FAM193A: variants seen among roughly 807,000 people sequenced by gnomAD.
The protein encoded by FAM193A is family with sequence similarity 193 member A.
FAM193A carries 22 observed loss-of-function variants against 126.5 expected under a neutral mutation model. The observed-to-expected ratio is 0.17, with a 90% CI of 0.12 to 0.25. The LOEUF is 0.25. FAM193A is among the 10% of genes least tolerant of loss of function. The pLI is 1.00. For synonymous variants in FAM193A, 761 were observed against 646.8 expected (o/e 1.18, Z -2.68); for missense variants, 1,675 against 1,672.8 (o/e 1.00, Z -0.02).
chr4:2,700,657 C>T (rs1717618804), intron 19 of FAM193A, 113 bp downstream of exon 19: 1 of 1,357,880 alleles, frequency 7.4e-7, no homozygotes, highest in Non-Finnish European at 1.0e-6. Flanking sequence ...TGGCCTCCCT[C>T]CTGTAGAAAA....
intron 5 of FAM193A, among the ~76,000 whole-genome samples, chr4:2,634,493 A>C (rs1743903988): frequency 6.6e-6 from 1 of 152,236 alleles, no homozygotes; most frequent in Admixed American, 6.5e-5. Context: ...GAATCACATA[A>C]CAAAGATATT....
chr4:2,590,857 C>T (rs370560974), intron 1 of FAM193A, among the ~76,000 whole-genome samples: 4 of 151,994 alleles, frequency 2.6e-5, no homozygotes, highest in African/African-American at 9.7e-5. Flanking sequence ...GAAACCCCGT[C>T]TCTACTAAAA....
chr4:2,560,688 A>T (rs1738557928), intron 1 of FAM193A, among the ~76,000 whole-genome samples: 1 of 152,208 alleles, frequency 6.6e-6, no homozygotes, highest in Admixed American at 6.5e-5. Context: ...GTAGTACGTT[A>T]TCTTGAGGCT....
At chr4:2,656,802 T>C (rs1455617276) in intron 7 of FAM193A, among the ~76,000 whole-genome samples, 1 of 152,196 alleles carries the variant, frequency 6.6e-6, no homozygotes, top group Admixed American at 6.5e-5. Flanking sequence ...ATGAGCCCCT[T>C]GTTTGTAACT....
intron 13 of FAM193A, among the ~76,000 whole-genome samples, chr4:2,680,012 C>T (rs1714917397): frequency 1.3e-5 from 2 of 152,136 alleles, no homozygotes; most frequent in South Asian, 4.1e-4. Context: ...AGGCACATGC[C>T]ACCACACCCA....
intron 1 of FAM193A, among the ~76,000 whole-genome samples, chr4:2,577,229 G>C (rs1187403639): frequency 6.6e-6 from 1 of 151,902 alleles, no homozygotes; most frequent in Non-Finnish European, 1.5e-5. Context: ...GATATTTTTG[G>C]TGTTAAAGCA....
intron 1 of FAM193A, among the ~76,000 whole-genome samples, chr4:2,546,034 G>A (rs1737526961): frequency 6.6e-6 from 1 of 152,074 alleles, no homozygotes; most frequent in African/African-American, 2.4e-5. Flanking sequence ...TGTAATCATA[G>A]CTACTCGGGA....
At chr4:2,637,494 C>T (rs1014520954) in intron 5 of FAM193A, among the ~76,000 whole-genome samples, 34 of 152,310 alleles carry the variant, frequency 2.2e-4, no homozygotes, top group African/African-American at 7.0e-4. Context: ...TCAAATGTCC[C>T]GTTATTTCAG....
At chr4:2,558,102 G>A (rs1738374218) in intron 1 of FAM193A, among the ~76,000 whole-genome samples, 1 of 151,894 alleles carries the variant, frequency 6.6e-6, no homozygotes, top group Non-Finnish European at 1.5e-5. Flanking sequence ...GTGAAACCCC[G>A]TCTCTACTAA....
intron 1 of FAM193A, among the ~76,000 whole-genome samples, chr4:2,578,399 A>G (rs1739728626): frequency 6.6e-6 from 1 of 152,158 alleles, no homozygotes; most frequent in African/African-American, 2.4e-5. Flanking sequence ...CTCTGTATCA[A>G]GCACTTGACA....
intron 13 of FAM193A, among the ~76,000 whole-genome samples, chr4:2,680,512 T>C (rs1285409668): frequency 6.6e-6 from 1 of 151,572 alleles, no homozygotes; most frequent in African/African-American, 2.4e-5. Flanking sequence ...TTTGGACTCT[T>C]CCAGAGAGAA....
chr4:2,637,635 G>T lies in FAM193A; in HGVS notation c.1039-2100G>T, dbSNP rs1437435170. Among the ~76,000 whole-genome samples, 14 of 152,186 alleles carry T rather than the reference G, an allele frequency of 9.2e-5. 1 individual carries two copies. Among genetic ancestry groups the T allele is most frequent in the Admixed American group, 9.2e-4 (14 of 15,286 alleles). On this transcript the variant is annotated intron_variant, in intron 5 of 20. Transcript: ENST00000637812. Reference sequence around the variant, plus strand: ...TCACTGACAAGCCTTTCTGCCTCTAGCTCAGCAGTTCTTCCATAGGCCTCA... The same window carrying T: ...TCACTGACAAGCCTTTCTGCCTCTATCTCAGCAGTTCTTCCATAGGCCTCA...
At chr4:2,584,960 T>C (rs528036919) in intron 1 of FAM193A, among the ~76,000 whole-genome samples, 16 of 151,888 alleles carry the variant, frequency 1.1e-4, no homozygotes, top group Non-Finnish European at 2.1e-4. Flanking sequence ...AAACTAAACA[T>C]CCCAACACTA....
At chr4:2,605,970 C>CA (rs1160026686) in intron 2 of FAM193A, among the ~76,000 whole-genome samples, 1,030 of 31,898 alleles carry the variant, frequency 0.032, 254 homozygotes, top group East Asian at 0.058. Context: ...GACTCTGTCT[C>CA]AAAAAAAAAA....
chr4:2,724,098 C>T (rs937252955), intron 20 of FAM193A, among the ~76,000 whole-genome samples: 2 of 151,584 alleles, frequency 1.3e-5, no homozygotes, highest in African/African-American at 4.9e-5. Flanking sequence ...ATTAATACTA[C>T]ATGAAATCTT....
At chr4:2,724,424 T>C (rs1449980560) in intron 20 of FAM193A, among the ~76,000 whole-genome samples, 1 of 152,232 alleles carries the variant, frequency 6.6e-6, no homozygotes, top group African/African-American at 2.4e-5. Flanking sequence ...TACTTTTTCT[T>C]ATGTATTTTA....
chr4:2,729,810 C>T (rs1203031980), intron 20 of FAM193A, among the ~76,000 whole-genome samples: 1 of 152,172 alleles, frequency 6.6e-6, no homozygotes, highest in Non-Finnish European at 1.5e-5. Context: ...TGAGGTTTTA[C>T]CATGTTGCCC....
intron 1 of FAM193A, among the ~76,000 whole-genome samples, chr4:2,569,549 A>C (rs1052491214): frequency 1.3e-5 from 2 of 152,124 alleles, no homozygotes; most frequent in Non-Finnish European, 2.9e-5. Context: ...CCCGGTCCGG[A>C]GTGCAGTGGC....
At chr4:2,667,764 C>T (rs1329012680) in intron 12 of FAM193A, among the ~76,000 whole-genome samples, 1 of 152,018 alleles carries the variant, frequency 6.6e-6, no homozygotes, top group African/African-American at 2.4e-5. Flanking sequence ...AAATATTAAA[C>T]AAAAATTTTA....
Sources: allele counts gnomAD v4.1 joint callset (sites outside exome capture counted in the v4.1 genomes callset), GRCh38; gene constraint gnomAD v4.1.1; transcripts MANE v1.5; gene names NCBI Gene and HGNC (gene_info 2026-07-23, HGNC 2026-07-21).